Variants in KIRREL3 observed in about 807,000 individuals in gnomAD.
KIRREL3 encodes kin of IRRE-like protein 3.
KIRREL3 carries 36 observed loss-of-function variants against 89.7 expected under a neutral mutation model. The observed-to-expected ratio is 0.40, with a 90% CI of 0.31 to 0.53. The LOEUF is 0.53. KIRREL3 is among the 20% of genes least tolerant of loss of function. The probability of loss-of-function intolerance (pLI) is 0.49; values close to 1 mark genes in which losing one functional copy is unlikely to be tolerated. For synonymous variants in KIRREL3, 445 were observed against 441.4 expected (o/e 1.01, Z -0.10); for missense variants, 864 against 1,056.6 (o/e 0.82, Z 2.53).
chr11:126,856,526 T>C (rs1309622789), intron 1 of KIRREL3, among the ~76,000 whole-genome samples: 1 of 149,488 alleles, frequency 6.7e-6, no homozygotes, highest in African/African-American at 2.4e-5. Context: ...TATTAGCATA[T>C]TGAGTATTTT....
intron 1 of KIRREL3, among the ~76,000 whole-genome samples, chr11:126,846,714 A>G (rs546366344): frequency 4.6e-5 from 7 of 152,328 alleles, no homozygotes; most frequent in African/African-American, 1.7e-4. Context: ...AAGGTGTATA[A>G]AGAAAGTAAA....
intron 5 of KIRREL3, among the ~76,000 whole-genome samples, chr11:126,465,262 T>C (rs1956683997): frequency 6.6e-6 from 1 of 152,008 alleles, no homozygotes; most frequent in African/African-American, 2.4e-5. Flanking sequence ...TGGCAATGTC[T>C]CTAATTCTTA....
Position 126,893,292 on chromosome 11 carries a change from G to T in KIRREL3, c.55+107163C>A, listed in dbSNP as rs530418460. 2.0e-5 allele frequency among the ~76,000 whole-genome samples: 3 copies of T among 152,286 alleles called. No individual in the cohort carries two copies. The East Asian group carries it at 5.8e-4, about 29-fold the overall frequency. ...ATGCATTGATTTTATCCAGTTCAGT[G>T]CCAGGCAGCAATTAGCAAAGGTAAC... On this transcript the variant is annotated intron_variant, in intron 1 of 16. Coordinates refer to ENST00000525144, the MANE Select transcript of KIRREL3 (RefSeq NM_032531.4).
intron 1 of KIRREL3, among the ~76,000 whole-genome samples, chr11:126,584,971 T>G (rs1490538199): frequency 6.6e-6 from 1 of 151,738 alleles, no homozygotes; most frequent in East Asian, 1.9e-4. Context: ...CAGGCTGGAG[T>G]GCAGTGGCGC....
At chr11:126,756,104 C>T (rs191344390) in intron 1 of KIRREL3, among the ~76,000 whole-genome samples, 63 of 152,102 alleles carry the variant, frequency 4.1e-4, no homozygotes, top group Non-Finnish European at 6.9e-4. Context: ...TGTATTTGGC[C>T]AATAAAGCTC....
At chr11:126,992,862 C>G (rs55778721) in intron 1 of KIRREL3, among the ~76,000 whole-genome samples, 1 of 152,084 alleles carries the variant, frequency 6.6e-6, no homozygotes, top group Non-Finnish European at 1.5e-5. Context: ...TCAAGTCCAG[C>G]GTGCAGCCAG....
At chr11:126,567,572 AC>A (rs892014670) in intron 1 of KIRREL3, among the ~76,000 whole-genome samples, 1 of 152,186 alleles carries the variant, frequency 6.6e-6, no homozygotes, top group Admixed American at 6.5e-5. Context: ...GTTCTCTGGA[AC>A]CCAGCCCCCA....
At position 126,983,700 on chromosome 11, in the gene KIRREL3, AC is replaced by A. The variant is rs1335866457; in HGVS notation, c.55+16754del. Among the ~76,000 whole-genome samples, 1 of 152,142 alleles carries A rather than the reference AC, an allele frequency of 6.6e-6. No individual in the cohort carries two copies. The highest frequency in any genetic ancestry group is 2.4e-5 in the African/African-American group (1 of 41,432). On this transcript the variant is annotated intron_variant, in intron 1 of 16. Coordinates refer to ENST00000525144, the MANE Select transcript of KIRREL3 (RefSeq NM_032531.4). This position sits in a 1 kb window ranked among gnomAD's most constrained non-coding sequence, Gnocchi z 4.9. The stretch of plus-strand genomic sequence containing the variant: ...TTTTCCCTATAGCCTCCAGAAAGAA[AC>A]AGCCCTGCAGCACCTGGATGCCAGC...
rs540240553 is a variant in KIRREL3, at chr11:126,930,746, G to T, written c.55+69709C>A. Among the ~76,000 whole-genome samples the T allele has an allele frequency of 8.5e-5, 13 of 152,176 alleles. No individual in the cohort carries two copies. In the East Asian group the frequency reaches 2.5e-3, roughly 29 times the overall value. On this transcript the variant is annotated intron_variant, in intron 1 of 16. Transcript: ENST00000525144. ...TCCCCCAACCCCCTCCATATCCAGT[G>T]CAGTTAGAGGGGTCTTACTAAATCA...
intron 5 of KIRREL3, among the ~76,000 whole-genome samples, chr11:126,465,565 G>A (rs73630446): frequency 1.3e-3 from 197 of 152,314 alleles, no homozygotes; most frequent in African/African-American, 4.3e-3. Flanking sequence ...ACCTCGTGGC[G>A]TCAGGAGAAC....
At chr11:126,538,956 G>T (rs1938141642) in intron 2 of KIRREL3, among the ~76,000 whole-genome samples, 1 of 152,210 alleles carries the variant, frequency 6.6e-6, no homozygotes, top group Admixed American at 6.5e-5. Context: ...AAATGGCCAG[G>T]ATGAAGACAA....
At chr11:126,707,193 G>C (rs1452090262) in intron 1 of KIRREL3, among the ~76,000 whole-genome samples, 1 of 148,630 alleles carries the variant, frequency 6.7e-6, no homozygotes, top group Non-Finnish European at 1.5e-5. Context: ...TGATCCTCCC[G>C]CCTCAGCCTC....
chr11:126,729,069 C>A lies in KIRREL3; in HGVS notation c.56-166157G>T, dbSNP rs565227183. Among the ~76,000 whole-genome samples the A allele has an allele frequency of 7.2e-5, 11 of 152,290 alleles. No homozygotes were observed. The highest frequency in any genetic ancestry group is 2.4e-4 in the African/African-American group (10 of 41,560). ...GAGTGGGCCCTGGGGAGGGGCAGTA[C>A]CCTCTAGGCCAGAAAACACAACTGG... On this transcript the variant is annotated intron_variant, in intron 1 of 16. Transcript: ENST00000525144. This position sits in a 1 kb window ranked among gnomAD's most constrained non-coding sequence, Gnocchi z 4.5.
rs1356462726 is a variant in KIRREL3 at position 126,605,744 on chromosome 11, A to T, written c.56-42832T>A. Among the ~76,000 whole-genome samples, 4 of 151,980 alleles carry T rather than the reference A, an allele frequency of 2.6e-5. No homozygotes were observed. The highest frequency in any genetic ancestry group is 5.9e-5 in the Non-Finnish European group (4 of 67,992). On this transcript the variant is annotated intron_variant, in intron 1 of 16. Transcript: ENST00000525144. This position sits in a 1 kb window ranked among gnomAD's most constrained non-coding sequence, Gnocchi z 5.7. ...GCCTGAGTTGAGTAGGGATGCTGGG[A>T]GTGGGAATGGGGTGGGGAAAGCATG... is the stretch of plus-strand genomic sequence containing the variant.
intron 1 of KIRREL3, among the ~76,000 whole-genome samples, chr11:126,716,039 A>G (rs530934336): frequency 6.6e-6 from 1 of 152,182 alleles, no homozygotes; most frequent in African/African-American, 2.4e-5. Flanking sequence ...GAAAAGAGGC[A>G]GACAGGGAGG....
At chr11:126,992,167 T>C (rs1262042456) in intron 1 of KIRREL3, among the ~76,000 whole-genome samples, 1 of 152,138 alleles carries the variant, frequency 6.6e-6, no homozygotes, top group Non-Finnish European at 1.5e-5. Flanking sequence ...AAAGAGCAAA[T>C]AGAATGCATC....
At chr11:126,902,208 G>A (rs1035042172) in intron 1 of KIRREL3, among the ~76,000 whole-genome samples, 2 of 152,172 alleles carry the variant, frequency 1.3e-5, no homozygotes, top group Admixed American at 6.5e-5. Context: ...TCCACCAAAA[G>A]GTGCTGTCAT....
chr11:126,967,458 T>A (rs958331209), intron 1 of KIRREL3, among the ~76,000 whole-genome samples: 7 of 152,134 alleles, frequency 4.6e-5, no homozygotes, highest in African/African-American at 1.7e-4. Context: ...CTTCAGGAGC[T>A]GCCTTGCAAT....
At chr11:126,482,342 C>CTAA (rs1957243774) in intron 4 of KIRREL3, among the ~76,000 whole-genome samples, 1 of 152,182 alleles carries the variant, frequency 6.6e-6, no homozygotes, top group Non-Finnish European at 1.5e-5. Flanking sequence ...CCGGGCCTGC[C>CTAA]CCTTTCCTTT....
Sources: gnomAD v4.1 joint callset for allele counts (sites outside exome capture counted in the v4.1 genomes callset) on GRCh38, gnomAD v4.1.1 for gene constraint, Gnocchi (gnomAD v3.1) non-coding constraint, MANE v1.5 for transcripts, NCBI Gene and HGNC (gene_info 2026-07-23, HGNC 2026-07-21) for gene names.